Variants in KLHL5 observed in about 807,000 individuals in gnomAD.
KLHL5 encodes the protein kelch-like protein 5.
A neutral mutation model predicts 77.7 loss-of-function variants in KLHL5; 48 were observed. The ratio of observed to expected loss-of-function variants is 0.62; its 90% CI spans 0.49 to 0.79. The LOEUF (loss-of-function observed/expected upper bound fraction) is 0.79, where lower values mean the gene tolerates loss of function less well. Ranked by LOEUF, KLHL5 falls within the 30% of genes least tolerant of loss-of-function variation. KLHL5 has a pLI of 0.00. For synonymous variants in KLHL5, 260 were observed against 297.0 expected (o/e 0.88, Z 1.28); for missense variants, 723 against 859.7 (o/e 0.84, Z 1.99).
chr4:39,045,834 C>T (rs1716140687), intron 1 of KLHL5, among the ~76,000 whole-genome samples: 1 of 150,494 alleles, frequency 6.6e-6, no homozygotes. Context: ...CACCCCTGCA[C>T]CCTCCCAATA....
Position 39,123,113 on chromosome 4 carries a change from A to G in KLHL5, c.*2047A>G, listed in dbSNP as rs1323435920. On this transcript the variant is annotated 3_prime_UTR_variant, in exon 11 of 11. Coordinates refer to ENST00000504108, the MANE Select transcript of KLHL5 (RefSeq NM_015990.5). ...ATTTATTCATAGAAGCATTGTTGCC[A>G]ACAATTTAGATGACCTCGATGAAAA... is the stretch of plus-strand genomic sequence containing the variant. 6.6e-6 allele frequency among the ~76,000 whole-genome samples: 1 copy of G among 152,224 alleles called. No individual in the cohort carries two copies. The highest frequency in any genetic ancestry group is 1.9e-4 in the East Asian group (1 of 5,206).
chr4:39,056,735 G>T (rs1717034339), intron 1 of KLHL5, among the ~76,000 whole-genome samples: 1 of 152,160 alleles, frequency 6.6e-6, no homozygotes, highest in Non-Finnish European at 1.5e-5. Flanking sequence ...AACCAAACAT[G>T]TCTAAAGCCT....
intron 6 of KLHL5, among the ~76,000 whole-genome samples, chr4:39,098,135 C>CAA (rs571749349): frequency 5.6e-5 from 4 of 70,818 alleles, no homozygotes; most frequent in Non-Finnish European, 9.7e-5. Flanking sequence ...GAATCCATCT[C>CAA]AAAAAAAAAA....
In KLHL5 at chr4:39,096,795, C is replaced by T. The variant is rs1242648312; in HGVS notation, c.1217C>T (p.Pro406Leu). 1.2e-6 allele frequency: 2 copies of T among 1,613,512 alleles called. No individual in the cohort carries two copies. The highest frequency in any genetic ancestry group is 3.3e-5 in the Admixed American group (2 of 59,988). ...MKYHLLPERR[P>L]MLQSPRTKPR... ...TACCATTTATTACCAGAGAGACGAC[C>T]CATGTTACAAAGTCCTCGGACAAAA... Residue 406 changes from proline (P) to leucine (L), a missense_variant, in exon 6 of 11, where the codon CCC becomes CTC. Coordinates refer to ENST00000504108, the MANE Select transcript of KLHL5 (RefSeq NM_015990.5).
chr4:39,063,765 C>T (rs149741066), intron 1 of KLHL5: 226 of 174,978 alleles, frequency 1.3e-3, no homozygotes, highest in African/African-American at 5.1e-3. Flanking sequence ...AAGGGGAAAT[C>T]AGTTAGAAGA....
intron 4 of KLHL5, among the ~76,000 whole-genome samples, chr4:39,085,988 C>G (rs1419234644): frequency 6.6e-6 from 1 of 152,060 alleles, no homozygotes; most frequent in Non-Finnish European, 1.5e-5. Flanking sequence ...ATACTCATTC[C>G]AGGGAGGATC....
chr4:39,047,210 G>A (rs939656805), intron 1 of KLHL5, among the ~76,000 whole-genome samples: 1 of 152,158 alleles, frequency 6.6e-6, no homozygotes, highest in Non-Finnish European at 1.5e-5. Flanking sequence ...TTGAGGTCAG[G>A]AGTTCAAGAC....
intron 5 of KLHL5, 28 bp downstream of exon 5, chr4:39,086,755 A>AT: frequency 6.5e-7 from 1 of 1,532,394 alleles, no homozygotes; most frequent in Non-Finnish European, 9.0e-7. Context: ...GTTTATAGGA[A>AT]TTTTTCTTTG....
At chr4:39,129,317 C>T (rs1577773982), downstream of KLHL5, among the ~76,000 whole-genome samples, 1 of 151,932 alleles carries the variant, frequency 6.6e-6, no homozygotes, top group African/African-American at 2.4e-5. The surrounding 1 kb of genome is among the most constrained non-coding windows in gnomAD (Gnocchi z 4.2). Context: ...AAGTGGTTCT[C>T]CTGCCTCAGC....
intron 9 of KLHL5, among the ~76,000 whole-genome samples, chr4:39,114,643 A>G (rs1722705645): frequency 6.6e-6 from 1 of 152,196 alleles, no homozygotes; most frequent in Non-Finnish European, 1.5e-5. Flanking sequence ...GTGTTTATAT[A>G]CTTGGCCCCA....
At chr4:39,101,913 T>C (rs569466328) in intron 6 of KLHL5, among the ~76,000 whole-genome samples, 158 of 141,816 alleles carry the variant, frequency 1.1e-3, no homozygotes, top group Admixed American at 2.3e-3. Context: ...CACACACACA[T>C]ATATATATAC....
At chr4:39,091,574 C>G (rs1720555105) in intron 5 of KLHL5, among the ~76,000 whole-genome samples, 1 of 152,096 alleles carries the variant, frequency 6.6e-6, no homozygotes, top group South Asian at 2.1e-4. Flanking sequence ...CTATTCTGCT[C>G]TCAGTTTAGT....
chr4:39,106,290 C>T (rs1722031427), intron 7 of KLHL5, among the ~76,000 whole-genome samples: 1 of 152,222 alleles, frequency 6.6e-6, no homozygotes, highest in African/African-American at 2.4e-5. Flanking sequence ...TCTGGTTTCC[C>T]AACTTCATTC....
At chr4:39,137,974 C>G in the KLHL5 span, among the ~76,000 whole-genome samples, 5 of 152,258 alleles carry the variant, frequency 3.3e-5, no homozygotes, top group African/African-American at 1.2e-4. Flanking sequence ...AGCTCAGCAT[C>G]ACTGATCATT....
chr4:39,060,948 G>A (rs1717363836), upstream of KLHL5, among the ~76,000 whole-genome samples: 1 of 152,016 alleles, frequency 6.6e-6, no homozygotes, highest in Admixed American at 6.5e-5. Flanking sequence ...AATTAATTTG[G>A]TATGGCTGGC....
intron 1 of KLHL5, among the ~76,000 whole-genome samples, chr4:39,074,060 A>G (rs1021151252): frequency 6.6e-6 from 1 of 152,150 alleles, no homozygotes; most frequent in African/African-American, 2.4e-5. Context: ...GTATAAGCAT[A>G]TATAATTACA....
At chr4:39,045,151 G>A (rs1253745675) in intron 1 of KLHL5, 2 of 984,178 alleles carry the variant, frequency 2.0e-6, no homozygotes, top group African/African-American at 1.7e-5. Context: ...GGCAGGGCCC[G>A]CTTCCCGCCC....
At chr4:39,111,241 A>G (rs1577736708) in intron 8 of KLHL5, among the ~76,000 whole-genome samples, 1 of 152,330 alleles carries the variant, frequency 6.6e-6, no homozygotes, top group African/African-American at 2.4e-5. Context: ...ATCATGTACT[A>G]GGCAGTGTTC....
chr4:39,121,877 A>C lies in KLHL5; in HGVS notation c.*811A>C, dbSNP rs1290267732. 4 of 152,634 alleles carry C rather than the reference A, an allele frequency of 2.6e-5. No individual in the cohort carries two copies. The East Asian group carries it at 7.7e-4, about 29-fold the overall frequency. 9.5% of individuals were successfully genotyped at this position (152,634 alleles called of 1,614,324 possible). A position where few individuals can be genotyped will look rare whatever the true frequency, so the allele number is the denominator to read the frequency against. On this transcript the variant is annotated 3_prime_UTR_variant, in exon 11 of 11. Transcript: ENST00000504108. Reference sequence around the variant, plus strand: ...GTATTTAATTATATGGATTTGTTTTATATTATAAAAGATGTTTTGATTTTG... The same window carrying C: ...GTATTTAATTATATGGATTTGTTTTCTATTATAAAAGATGTTTTGATTTTG...
Sources: allele counts gnomAD v4.1 joint callset (sites outside exome capture counted in the v4.1 genomes callset), GRCh38; gene constraint gnomAD v4.1.1; non-coding constraint Gnocchi (gnomAD v3.1); transcripts MANE v1.5; gene names NCBI Gene and HGNC (gene_info 2026-07-23, HGNC 2026-07-21).